The following ZC3H12C variants were observed in gnomAD, a reference collection of about 807,000 sequenced individuals.
The protein encoded by ZC3H12C is probable ribonuclease ZC3H12C.
In ZC3H12C, 20 loss-of-function variants were observed where a neutral mutation model predicts 76.3. The ratio of observed to expected loss-of-function variants is 0.26; its 90% confidence interval spans 0.18 to 0.38. The LOEUF (loss-of-function observed/expected upper bound fraction) is 0.38, where lower values mean the gene tolerates loss of function less well. Among genes scored for constraint, ZC3H12C ranks in the 10% least tolerant of loss-of-function variants. ZC3H12C has a pLI of 1.00. For synonymous variants in ZC3H12C, 352 were observed against 399.6 expected (o/e 0.88, Z 1.42); for missense variants, 874 against 1,086.5 (o/e 0.80, Z 2.75).
chr11:110,141,357 G>A lies in ZC3H12C; in HGVS notation c.773+3943G>A, dbSNP rs140581084. ...CAGAGTTTAGCAATCTGTACAATCA[G>A]GATTTAAGCTTCTGATTAATCTTTT... On this transcript the variant is annotated intron_variant, in intron 2 of 5. Coordinates refer to ENST00000278590, the MANE Select transcript of ZC3H12C (RefSeq NM_033390.2). Among the ~76,000 whole-genome samples the A allele has an allele frequency of 1.6e-3, 248 of 152,258 alleles. 3 individuals carry two copies. The highest frequency in any genetic ancestry group is 5.7e-3 in the African/African-American group (235 of 41,538).
At chr11:110,102,831 T>C (rs1861242826) in intron 1 of ZC3H12C, among the ~76,000 whole-genome samples, 1 of 152,174 alleles carries the variant, frequency 6.6e-6, no homozygotes. Context: ...CCATCAACAT[T>C]GAGGCAAGAC....
chr11:110,098,074 C>G (rs558656726), intron 1 of ZC3H12C, among the ~76,000 whole-genome samples: 1 of 152,234 alleles, frequency 6.6e-6, no homozygotes, highest in South Asian at 2.1e-4. Context: ...GGAGGTATTT[C>G]AGAAGGCGGC....
At chr11:110,149,531 A>G (rs188670316) in intron 2 of ZC3H12C, among the ~76,000 whole-genome samples, 5 of 152,338 alleles carry the variant, frequency 3.3e-5, no homozygotes, top group Admixed American at 2.6e-4. Flanking sequence ...GTGATGTATG[A>G]GTTCCTACTT....
intron 1 of ZC3H12C, among the ~76,000 whole-genome samples, chr11:110,121,864 A>G (rs1233659819): frequency 1.3e-5 from 2 of 152,130 alleles, no homozygotes; most frequent in African/African-American, 4.8e-5. Flanking sequence ...TTTCCCATAT[A>G]CCATATTTTA....
intron 3 of ZC3H12C, among the ~76,000 whole-genome samples, chr11:110,155,735 G>A (rs679264): frequency 0.69 from 104,671 of 151,936 alleles, 36,852 homozygotes; most frequent in South Asian, 0.79. Flanking sequence ...TATATCAACA[G>A]TGGAAAGAAC....
At chr11:110,125,401 A>G (rs113951100) in intron 1 of ZC3H12C, among the ~76,000 whole-genome samples, 4,847 of 151,586 alleles carry the variant, frequency 0.032, 181 homozygotes, top group East Asian at 0.087. Context: ...GGCTCCCTGC[A>G]ACCTCCACCT....
chr11:110,145,180 G>A (rs531065729), intron 2 of ZC3H12C, among the ~76,000 whole-genome samples: 17 of 152,176 alleles, frequency 1.1e-4, no homozygotes, highest in African/African-American at 2.4e-4. Context: ...ATAATTCTCC[G>A]GTGGCAATTC....
chr11:110,171,762 G>A lies in ZC3H12C; in HGVS notation c.*6025G>A, dbSNP rs1862684949. ...GAGCATTGTGTAAGATAAACACATG[G>A]TCAGTATCAATGTAAATGTTAGAGC... On this transcript the variant is annotated 3_prime_UTR_variant, in exon 6 of 6. Coordinates refer to ENST00000278590, the MANE Select transcript of ZC3H12C (RefSeq NM_033390.2). The A allele has an allele frequency of 6.6e-6, 1 of 152,094 alleles. No individual in the cohort carries two copies. The highest frequency in any genetic ancestry group is 2.4e-5 in the African/African-American group (1 of 41,408). 9.4% of individuals were successfully genotyped at this position (152,094 alleles called of 1,614,324 possible).
intron 2 of ZC3H12C, among the ~76,000 whole-genome samples, chr11:110,144,670 G>C (rs1862130147): frequency 6.6e-6 from 1 of 152,106 alleles, no homozygotes. Flanking sequence ...AAGATCACCT[G>C]TAATTTCCAA....
rs58087375 is a variant in ZC3H12C, at chr11:110,120,219, C to T, written c.22-16444C>T. Among the ~76,000 whole-genome samples, 1,447 of 152,272 alleles carry T rather than the reference C, an allele frequency of 9.5e-3. 20 individuals carry two copies. Among genetic ancestry groups the T allele is most frequent in the African/African-American group, 0.033 (1,369 of 41,538 alleles). On this transcript the variant is annotated intron_variant, in intron 1 of 5. Transcript: ENST00000278590. ...TGGTCTCTGGTCACAACATTTTTATCAGCCTATCAATATATGCCCTTGTTT... is the reference window on the plus strand; with the variant it reads ...TGGTCTCTGGTCACAACATTTTTATTAGCCTATCAATATATGCCCTTGTTT...
At chr11:110,114,722 C>T (rs1861493381) in intron 1 of ZC3H12C, among the ~76,000 whole-genome samples, 1 of 152,002 alleles carries the variant, frequency 6.6e-6, no homozygotes, top group South Asian at 2.1e-4. Context: ...CTAAAATGCC[C>T]CAAGAACTAA....
intron 1 of ZC3H12C, among the ~76,000 whole-genome samples, chr11:110,115,705 AAT>A (rs1281326589): frequency 6.6e-6 from 1 of 150,826 alleles, no homozygotes; most frequent in Non-Finnish European, 1.5e-5. Context: ...AGAGTATTAG[AAT>A]TATGGGCATG....
At chr11:110,131,191 C>T in intron 1 of ZC3H12C, 1 of 1,031,454 alleles carries the variant, frequency 9.7e-7, no homozygotes, top group South Asian at 1.4e-5. Flanking sequence ...TAAAAGAAAT[C>T]ACCTCCAATG....
chr11:110,145,026 C>T (rs1005466359), intron 2 of ZC3H12C, among the ~76,000 whole-genome samples: 3 of 152,082 alleles, frequency 2.0e-5, no homozygotes, highest in Non-Finnish European at 4.4e-5. Flanking sequence ...GTGGTTGTCC[C>T]ATCATCTTCC....
chr11:110,115,243 C>T (rs1861504017), intron 1 of ZC3H12C, among the ~76,000 whole-genome samples: 2 of 151,672 alleles, frequency 1.3e-5, no homozygotes, highest in Non-Finnish European at 2.9e-5. Context: ...AGTAGTGGAA[C>T]TACAGGCATG....
chr11:110,164,435 G>A lies in ZC3H12C; in HGVS notation c.1350G>A (p.Met450Ile). Reference sequence around the variant, plus strand: ...CAGTGGCTGATGAACTCCGTGCCATGTCTAGAAATACGGCAGCCAAAACTG... The same window carrying A: ...CAGTGGCTGATGAACTCCGTGCCATATCTAGAAATACGGCAGCCAAAACTG... ...QRSVADELRAMSRNTAAKTAN... is the reference protein window; with the variant it reads ...QRSVADELRAISRNTAAKTAN... The change falls in exon 6 of 6, where the codon ATG becomes ATA. Residue 450 changes from methionine to isoleucine, a missense_variant. This residue lies in a region of ZC3H12C where 269 missense variants were observed against 424.9 expected (regional missense o/e 0.63). Transcript: ENST00000278590. The surrounding 1 kb of genome is among the most constrained non-coding windows in gnomAD (Gnocchi z 5.7). 1 of 1,614,038 alleles carries A rather than the reference G, an allele frequency of 6.2e-7. No individual in the cohort carries two copies. The highest frequency in any genetic ancestry group is 8.5e-7 in the Non-Finnish European group (1 of 1,179,906).
intron 1 of ZC3H12C, among the ~76,000 whole-genome samples, chr11:110,105,038 C>A (rs188972997): frequency 1.5e-4 from 23 of 152,144 alleles, no homozygotes; most frequent in Admixed American, 1.1e-3. Flanking sequence ...AGTTTTTGTT[C>A]TTTGTTCTTA....
intron 3 of ZC3H12C, among the ~76,000 whole-genome samples, chr11:110,158,491 T>C (rs917809620): frequency 5.3e-5 from 8 of 151,026 alleles, no homozygotes; most frequent in South Asian, 2.1e-4. Flanking sequence ...GCCTGGGCGA[T>C]AGACCAAGAC....
chr11:110,109,668 ATATTT>A (rs1861393505), intron 1 of ZC3H12C, among the ~76,000 whole-genome samples: 2 of 152,024 alleles, frequency 1.3e-5, no homozygotes, highest in Non-Finnish European at 2.9e-5. Flanking sequence ...TCCAACTTAA[ATATTT>A]TATTTAGTTT....
Sources: allele counts gnomAD v4.1 joint callset (sites outside exome capture counted in the v4.1 genomes callset), GRCh38; gene constraint gnomAD v4.1.1; regional missense constraint gnomAD v4.1.1; non-coding constraint Gnocchi (gnomAD v3.1); transcripts MANE v1.5; gene names NCBI Gene and HGNC (gene_info 2026-07-23, HGNC 2026-07-21).